DMRT1: variants seen among roughly 807,000 people sequenced by gnomAD.
The protein encoded by DMRT1 is doublesex- and mab-3-related transcription factor 1.
In DMRT1, 7 loss-of-function variants were observed where a neutral mutation model predicts 32.3. The ratio of observed to expected loss-of-function variants is 0.22; its 90% confidence interval spans 0.12 to 0.41. DMRT1 has a LOEUF of 0.41. DMRT1 is among the 10% of genes least tolerant of loss of function. DMRT1 has a pLI of 1.00. For synonymous variants in DMRT1, 278 were observed against 206.1 expected (o/e 1.35, Z -2.99); for missense variants, 625 against 500.5 (o/e 1.25, Z -2.37).
chr9:901,653 G>T lies in DMRT1; in HGVS notation c.822+7458G>T, dbSNP rs192127916. On this transcript the variant is annotated intron_variant, in intron 3 of 4. Coordinates refer to ENST00000382276, the MANE Select transcript of DMRT1 (RefSeq NM_021951.3). Reference sequence around the variant, plus strand: ...CCTGACCAATTTTTAAGACATAGTAGGAGACTTCACATGAGTTTTTTTTTT... The same window carrying T: ...CCTGACCAATTTTTAAGACATAGTATGAGACTTCACATGAGTTTTTTTTTT... Among the ~76,000 whole-genome samples the T allele has an allele frequency of 1.2e-3, 177 of 151,962 alleles. 5 individuals carry two copies. The East Asian group carries it at 0.034, about 29-fold the overall frequency.
intron 4 of DMRT1, 126 bp from the exon 5 acceptor site, chr9:967,859 A>C (rs1819980621): frequency 2.2e-6 from 2 of 909,562 alleles, no homozygotes; most frequent in Non-Finnish European, 3.5e-6. Context: ...TTCAACTCAG[A>C]ATAGAAATGG....
intron 4 of DMRT1, among the ~76,000 whole-genome samples, chr9:951,802 A>T (rs992754997): frequency 6.6e-6 from 1 of 152,212 alleles, no homozygotes; most frequent in Admixed American, 6.5e-5. Context: ...TGTGAGGAAG[A>T]TGCAGAGGAC....
intron 3 of DMRT1, among the ~76,000 whole-genome samples, chr9:906,510 A>G (rs1449040802): frequency 1.3e-5 from 2 of 152,120 alleles, no homozygotes; most frequent in Admixed American, 6.5e-5. Flanking sequence ...AGCCCTGGAG[A>G]TTGTGATGGT....
intron 3 of DMRT1, among the ~76,000 whole-genome samples, chr9:904,465 A>T (rs1053882290): frequency 6.6e-6 from 1 of 152,220 alleles, no homozygotes; most frequent in Non-Finnish European, 1.5e-5. Context: ...TCAATACCAT[A>T]ATAGAAATAG....
At chr9:937,490 A>G (rs1586641183) in intron 4 of DMRT1, among the ~76,000 whole-genome samples, 1 of 152,188 alleles carries the variant, frequency 6.6e-6, no homozygotes, top group African/African-American at 2.4e-5. Context: ...AACTTTTTCC[A>G]TATCCTTCCC....
At chr9:852,765 G>C (rs1247969665) in intron 2 of DMRT1, among the ~76,000 whole-genome samples, 1 of 152,106 alleles carries the variant, frequency 6.6e-6, no homozygotes, top group African/African-American at 2.4e-5. Flanking sequence ...GGCCCCCCTG[G>C]GCAGCTCCAG....
intron 3 of DMRT1, among the ~76,000 whole-genome samples, chr9:900,119 G>T: frequency 6.6e-6 from 1 of 151,844 alleles, no homozygotes; most frequent in East Asian, 1.9e-4. Flanking sequence ...TTGGGAGAAG[G>T]CTGCTATTTC....
chr9:883,072 A>T (rs559788055), intron 2 of DMRT1, among the ~76,000 whole-genome samples: 33 of 151,028 alleles, frequency 2.2e-4, no homozygotes, highest in African/African-American at 7.5e-4. Flanking sequence ...AAGCCTGCCC[A>T]CCCCACCCTT....
At position 968,233 on chromosome 9, in the gene DMRT1, CTT is replaced by C. The variant is rs1415763979; in HGVS notation, c.*95_*96del. 4.1e-6 allele frequency: 6 copies of C among 1,455,990 alleles called. No individual in the cohort carries two copies. The highest frequency in any genetic ancestry group is 5.7e-6 in the Non-Finnish European group (6 of 1,060,424). The allele number at this position is 1,455,990 out of a possible 1,614,324, so 90.2% of individuals were successfully genotyped here. On this transcript the variant is annotated 3_prime_UTR_variant, in exon 5 of 5. Transcript: ENST00000382276. ...AATATTTTGCATTGACTCATACTATCTTAACTGTTGAGAACGTATTTGGTTTA... is the reference window on the plus strand; with the variant it reads ...AATATTTTGCATTGACTCATACTATCAACTGTTGAGAACGTATTTGGTTTA...
intron 2 of DMRT1, among the ~76,000 whole-genome samples, chr9:872,121 G>T (rs1244730491): frequency 2.0e-5 from 3 of 151,220 alleles, no homozygotes; most frequent in African/African-American, 7.4e-5. Context: ...GAGTGCAGTG[G>T]CTTGATTTCG....
chr9:957,333 T>C (rs1819632343), intron 4 of DMRT1, among the ~76,000 whole-genome samples: 1 of 152,252 alleles, frequency 6.6e-6, no homozygotes, highest in South Asian at 2.1e-4. Context: ...AAGTCCTTTC[T>C]TGGGGCTAAT....
At chr9:928,900 T>C (rs373054993) in intron 4 of DMRT1, among the ~76,000 whole-genome samples, 6 of 151,816 alleles carry the variant, frequency 4.0e-5, no homozygotes, top group Non-Finnish European at 8.8e-5. Flanking sequence ...TGCAGTGGTG[T>C]GATCTTGGCT....
In DMRT1 at chr9:965,579, A is replaced by G. The variant is rs1819906835; in HGVS notation, c.968-2406A>G. Among the ~76,000 whole-genome samples the G allele has an allele frequency of 6.6e-6, 1 of 152,246 alleles. No homozygotes were observed. Among genetic ancestry groups the G allele is most frequent in the South Asian group, 2.1e-4 (1 of 4,836 alleles). On this transcript the variant is annotated intron_variant, in intron 4 of 4. Coordinates refer to ENST00000382276, the MANE Select transcript of DMRT1 (RefSeq NM_021951.3). The surrounding 1 kb of genome is among the most constrained non-coding windows in gnomAD (Gnocchi z 4.5). ...TCCCCTTTTCAGTCCCAAGTTGGCT[A>G]AATGAGGAGAGGGCATCTCCCGGGG...
At chr9:928,784 T>G (rs1818613140) in intron 4 of DMRT1, among the ~76,000 whole-genome samples, 1 of 150,880 alleles carries the variant, frequency 6.6e-6, no homozygotes, top group Non-Finnish European at 1.5e-5. Context: ...AAGCATGTTA[T>G]GAATATTTTA....
chr9:941,335 C>T (rs981423171), intron 4 of DMRT1, among the ~76,000 whole-genome samples: 33 of 119,636 alleles, frequency 2.8e-4, no homozygotes, highest in African/African-American at 1.3e-3. Context: ...CCCCTCCCCC[C>T]CCCCACACAT....
In DMRT1 at chr9:932,890, T is replaced by C. The variant is rs567273049; in HGVS notation, c.967+15983T>C. 3.3e-5 allele frequency among the ~76,000 whole-genome samples: 5 copies of C among 152,028 alleles called. No individual in the cohort carries two copies. The South Asian group carries it at 1.0e-3, about 32-fold the overall frequency. On this transcript the variant is annotated intron_variant, in intron 4 of 4. Transcript: ENST00000382276. ...GAAGATGTGCATGGGGCGCGGTATCTCCGTGCTCTTTGAGATTTCCAAGCT... is the reference window on the plus strand; with the variant it reads ...GAAGATGTGCATGGGGCGCGGTATCCCCGTGCTCTTTGAGATTTCCAAGCT...
chr9:871,157 C>G (rs187068169), intron 2 of DMRT1, among the ~76,000 whole-genome samples: 1 of 151,954 alleles, frequency 6.6e-6, no homozygotes, highest in Admixed American at 6.6e-5. Flanking sequence ...CTACCTCAGC[C>G]TGAGTAGCTG....
intron 4 of DMRT1, among the ~76,000 whole-genome samples, chr9:956,487 C>T (rs553254744): frequency 1.3e-5 from 2 of 151,510 alleles, no homozygotes; most frequent in Admixed American, 6.6e-5. Context: ...TCACCTGAGC[C>T]CAGAAGTTTG....
intron 2 of DMRT1, among the ~76,000 whole-genome samples, chr9:881,467 A>G (rs1816734932): frequency 6.6e-6 from 1 of 152,226 alleles, no homozygotes; most frequent in South Asian, 2.1e-4. Context: ...AAAGAAAGTC[A>G]TAAAAGCAGG....
Sources: gnomAD v4.1 joint callset for allele counts (sites outside exome capture counted in the v4.1 genomes callset) on GRCh38, gnomAD v4.1.1 for gene constraint, Gnocchi (gnomAD v3.1) non-coding constraint, MANE v1.5 for transcripts, NCBI Gene and HGNC (gene_info 2026-07-23, HGNC 2026-07-21) for gene names.